Variants in POU2F1 observed in about 807,000 individuals in gnomAD.
The protein encoded by POU2F1 is POU class 2 homeobox 1.
Under a neutral mutation model 84.9 loss-of-function variants are expected in POU2F1, and 16 were observed. The observed-to-expected ratio is 0.19, with a 90% CI of 0.13 to 0.29. The LOEUF (loss-of-function observed/expected upper bound fraction) is 0.29. POU2F1 is among the 10% of genes least tolerant of loss of function. POU2F1 has a pLI of 1.00. For missense variants in POU2F1, 738 were observed against 942.6 expected, an observed-to-expected ratio of 0.78 and a Z score of 2.84; for synonymous variants, 368 against 368.3, an observed-to-expected ratio of 1.00 and a Z score of 0.01.
chr1:167,403,639 G>T (rs1460307718), intron 13 of POU2F1, among the ~76,000 whole-genome samples: 1 of 152,070 alleles, frequency 6.6e-6, no homozygotes, highest in African/African-American at 2.4e-5. Flanking sequence ...ATTTATTAAA[G>T]ACGGCCATTG....
rs1393268275 is a variant in POU2F1, at chr1:167,220,965, A to G, written c.61+7A>G. 6.5e-7 allele frequency: 1 copy of G among 1,534,548 alleles called. No homozygotes were observed. Among genetic ancestry groups the G allele is most frequent in the Admixed American group, 2.0e-5 (1 of 50,952 alleles). The stretch of plus-strand genomic sequence containing the variant: ...GCGGCGGCAGCAGCAGCAGGTAATC[A>G]TTACAGCATTTTACATATTCATATT... On this transcript the variant is annotated splice_region_variant and intron_variant, in intron 1 of 15. Coordinates refer to ENST00000367866, the MANE Select transcript of POU2F1 (RefSeq NM_002697.4).
In POU2F1 at chr1:167,425,510, C is replaced by T. The variant is rs1488233479; in HGVS notation, c.*9700C>T. ...GGCCCTCACAAACTTGTGAGCATGC[C>T]CTGAAACAAATTGGCATTTCAGATT... On this transcript the variant is annotated 3_prime_UTR_variant, in exon 16 of 16. Transcript: ENST00000367866. The T allele has an allele frequency of 6.6e-6, 1 of 152,288 alleles. No homozygotes were observed. Among genetic ancestry groups the T allele is most frequent in the African/African-American group, 2.4e-5 (1 of 41,428 alleles). 9.4% of individuals were successfully genotyped at this position (152,288 alleles called of 1,614,324 possible). A position where few individuals can be genotyped will look rare whatever the true frequency, so the allele number is the denominator to read the frequency against.
chr1:167,357,750 CTA>C (rs1659058644), intron 2 of POU2F1, among the ~76,000 whole-genome samples: 1 of 148,776 alleles, frequency 6.7e-6, no homozygotes, highest in Non-Finnish European at 1.5e-5. Flanking sequence ...TTTGAGATTT[CTA>C]TATGATTCCA....
intron 1 of POU2F1, among the ~76,000 whole-genome samples, chr1:167,323,224 A>G (rs1656452121): frequency 1.3e-5 from 2 of 152,250 alleles, no homozygotes; most frequent in East Asian, 1.9e-4. Context: ...AAGAAACAGT[A>G]TGGTAAGATA....
At position 167,415,985 on chromosome 1, in the gene POU2F1, A is replaced by G; in HGVS notation, c.*175A>G. ...CACACACCCATACACACATACCAGA[A>G]AAAGAAAGAAAGGATGGAGACGGAA... On this transcript the variant is annotated 3_prime_UTR_variant, in exon 16 of 16. Transcript: ENST00000367866. 1.4e-6 allele frequency: 1 copy of G among 722,966 alleles called. No homozygotes were observed. Among genetic ancestry groups the G allele is most frequent in the East Asian group, 2.7e-5 (1 of 36,754 alleles). 44.8% of individuals were successfully genotyped at this position (722,966 alleles called of 1,614,324 possible).
intron 1 of POU2F1, among the ~76,000 whole-genome samples, chr1:167,271,444 G>C (rs556717773): frequency 6.6e-6 from 1 of 152,314 alleles, no homozygotes; most frequent in East Asian, 1.9e-4. Context: ...TTCAATGATG[G>C]TTGAAAGAGA....
At chr1:167,328,568 T>C (rs1656864082) in intron 1 of POU2F1, among the ~76,000 whole-genome samples, 2 of 152,180 alleles carry the variant, frequency 1.3e-5, no homozygotes, top group South Asian at 4.2e-4. Flanking sequence ...TGCTTAAGTC[T>C]GTAGGGTTGT....
chr1:167,236,085 T>C (rs1649430730), intron 1 of POU2F1, among the ~76,000 whole-genome samples: 1 of 152,164 alleles, frequency 6.6e-6, no homozygotes, highest in Non-Finnish European at 1.5e-5. Flanking sequence ...GCTTTAATTT[T>C]AATGTTTTTA....
At chr1:167,390,691 G>A (rs1648335328) in intron 9 of POU2F1, among the ~76,000 whole-genome samples, 1 of 152,192 alleles carries the variant, frequency 6.6e-6, no homozygotes, top group Non-Finnish European at 1.5e-5. Flanking sequence ...TCAGGAGGCT[G>A]AGGTGGGAGG....
intron 1 of POU2F1, among the ~76,000 whole-genome samples, chr1:167,265,624 A>G (rs1351121970): frequency 6.6e-6 from 1 of 152,186 alleles, no homozygotes; most frequent in Non-Finnish European, 1.5e-5. Flanking sequence ...AAATGTATAT[A>G]TATAGCTCAT....
chr1:167,278,143 A>G (rs143932437), intron 1 of POU2F1, among the ~76,000 whole-genome samples: 71 of 152,248 alleles, frequency 4.7e-4, no homozygotes, highest in African/African-American at 1.6e-3. Flanking sequence ...AACCCTCTGC[A>G]CTTGAGCCAC....
chr1:167,290,708 A>G (rs1198946952), intron 1 of POU2F1, among the ~76,000 whole-genome samples: 2 of 152,252 alleles, frequency 1.3e-5, no homozygotes, highest in African/African-American at 4.8e-5. Flanking sequence ...ACTCATGATC[A>G]GTATACTTTA....
chr1:167,280,979 TATAA>T (rs1485242505), intron 1 of POU2F1, among the ~76,000 whole-genome samples: 7 of 152,214 alleles, frequency 4.6e-5, no homozygotes, highest in African/African-American at 1.4e-4. Context: ...ATGTCATTCA[TATAA>T]ATAGTGTCAA....
chr1:167,329,419 A>T, intron 1 of POU2F1: 1 of 1,264,020 alleles, frequency 7.9e-7, no homozygotes, highest in Non-Finnish European at 1.1e-6. Context: ...GGGGAGGGGG[A>T]GAGTTGGACT....
intron 1 of POU2F1, among the ~76,000 whole-genome samples, chr1:167,266,528 A>T (rs1304768538): frequency 6.6e-6 from 1 of 152,188 alleles, no homozygotes; most frequent in African/African-American, 2.4e-5. Flanking sequence ...TCAGAATGTC[A>T]AATATTTAAA....
chr1:167,269,597 T>A (rs1414863337), intron 1 of POU2F1, among the ~76,000 whole-genome samples: 1 of 152,186 alleles, frequency 6.6e-6, no homozygotes, highest in East Asian at 1.9e-4. Context: ...AAATTAAAAC[T>A]CTGTTATTTT....
At chr1:167,226,392 A>G (rs1447205268) in intron 1 of POU2F1, among the ~76,000 whole-genome samples, 1 of 152,220 alleles carries the variant, frequency 6.6e-6, no homozygotes, top group Non-Finnish European at 1.5e-5. Flanking sequence ...CAGTTTCCTT[A>G]TGCATCTTTC....
chr1:167,326,141 A>G (rs1217264590), intron 1 of POU2F1, among the ~76,000 whole-genome samples: 1 of 152,034 alleles, frequency 6.6e-6, no homozygotes, highest in Non-Finnish European at 1.5e-5. Flanking sequence ...CAGTTATTTT[A>G]TCATTTATTG....
At chr1:167,402,529 A>G (rs1480340322) in intron 13 of POU2F1, among the ~76,000 whole-genome samples, 3 of 152,122 alleles carry the variant, frequency 2.0e-5, no homozygotes, top group African/African-American at 7.2e-5. Flanking sequence ...CCTCTTCTGG[A>G]TGTTGGACCT....
Sources: gnomAD v4.1 joint callset for allele counts (sites outside exome capture counted in the v4.1 genomes callset) on GRCh38, gnomAD v4.1.1 for gene constraint, MANE v1.5 for transcripts, NCBI Gene and HGNC (gene_info 2026-07-23, HGNC 2026-07-21) for gene names.